ZNF469: variants seen among roughly 807,000 people sequenced by gnomAD.
ZNF469 encodes the protein zinc finger protein 469.
A neutral mutation model predicts 1.0 loss-of-function variants in ZNF469; 1 was observed. That is an observed-to-expected ratio of 1.00 (90% CI 0.35 to 4.73). The LOEUF (loss-of-function observed/expected upper bound fraction) is 4.73. ZNF469 is among the 30% of genes most tolerant of loss of function. The probability of loss-of-function intolerance (pLI) is 0.16; values close to 1 mark genes in which losing one functional copy is unlikely to be tolerated. For synonymous variants in ZNF469, 2,703 were observed against 2,363.4 expected (o/e 1.14, Z -4.17); for missense variants, 6,100 against 5,356.3 (o/e 1.14, Z -4.33).
At chr16:88,414,210 C>T (rs956559778) in intron 1 of ZNF469, among the ~76,000 whole-genome samples, 1 of 152,228 alleles carries the variant, frequency 6.6e-6, no homozygotes, top group African/African-American at 2.4e-5. Context: ...AAAGCCCCCA[C>T]CTGGATTCAG....
chr16:88,249,398 T>G, the ZNF469 span, among the ~76,000 whole-genome samples: 1 of 146,708 alleles, frequency 6.8e-6, no homozygotes, highest in Admixed American at 7.0e-5. Flanking sequence ...GCCATTTTTT[T>G]TTCTTTTTCT....
At chr16:88,299,435 T>C in the ZNF469 span, among the ~76,000 whole-genome samples, 2 of 152,100 alleles carry the variant, frequency 1.3e-5, no homozygotes, top group Non-Finnish European at 2.9e-5. Context: ...CCGGCAGCAC[T>C]GTTCTTTGGA....
the ZNF469 span, among the ~76,000 whole-genome samples, chr16:88,230,944 G>C: frequency 6.6e-6 from 1 of 152,280 alleles, no homozygotes; most frequent in African/African-American, 2.4e-5. Flanking sequence ...CCATGGGCCA[G>C]AGCCTTTGGT....
In ZNF469 at chr16:88,431,917, G is replaced by C. The variant is rs273585620; in HGVS notation, c.4447G>C (p.Ala1483Pro). 6.5e-7 allele frequency: 1 copy of C among 1,549,358 alleles called. No homozygotes were observed. Among genetic ancestry groups the C allele is most frequent in the African/African-American group, 1.4e-5 (1 of 73,012 alleles). The change falls in exon 3 of 3, where the codon GCA becomes CCA. Residue 1483 changes from alanine to proline, a missense_variant. Coordinates refer to ENST00000565624, the MANE Select transcript of ZNF469 (RefSeq NM_001367624.2). ...GAACAGGGACTCCGGTCTGCCGTTC[G>C]CATGTGCCGACCCTCCCCAGAAGAC... ...SANRDSGLPF[A>P]CADPPQKTVP...
the ZNF469 span, among the ~76,000 whole-genome samples, chr16:88,254,085 C>T: frequency 3.9e-5 from 6 of 152,050 alleles, no homozygotes; most frequent in African/African-American, 1.5e-4. Flanking sequence ...AAATACTTGC[C>T]TATCCCAACA....
Position 88,430,569 on chromosome 16 carries a change from G to T in ZNF469, c.3099G>T (p.Arg1033Ser). The T allele has an allele frequency of 6.7e-7, 1 of 1,490,444 alleles. No individual in the cohort carries two copies. The highest frequency in any genetic ancestry group is 1.3e-5 in the South Asian group (1 of 78,676). 92.3% of individuals were successfully genotyped at this position (1,490,444 alleles called of 1,614,324 possible). A position where few individuals can be genotyped will look rare whatever the true frequency, so the allele number is the denominator to read the frequency against. ...RSSRRRRLPP[R>S]KDPRKRKARG... ...CCCGGCGCCGCCGGCTGCCCCCCAG[G>T]AAGGACCCCAGGAAGAGGAAGGCTC... The change falls in exon 3 of 3, where the codon AGG (arginine) becomes AGT (serine). Residue 1033 changes from arginine (R) to serine (S), a missense_variant. By Grantham distance (110) the Arg-to-Ser change is moderately radical. Transcript: ENST00000565624.
At chr16:88,230,884 G>A in the ZNF469 span, among the ~76,000 whole-genome samples, 9 of 151,688 alleles carry the variant, frequency 5.9e-5, no homozygotes, top group African/African-American at 2.2e-4. Flanking sequence ...AGAGGCCCGG[G>A]CTCTCACAGC....
the ZNF469 span, among the ~76,000 whole-genome samples, chr16:88,313,158 C>T: frequency 1.1e-4 from 16 of 152,252 alleles, no homozygotes; most frequent in African/African-American, 3.6e-4. Flanking sequence ...GTGGCTGAGG[C>T]ACATTTCCTA....
chr16:88,271,810 G>C, the ZNF469 span, among the ~76,000 whole-genome samples: 2 of 144,124 alleles, frequency 1.4e-5, no homozygotes, highest in Non-Finnish European at 3.1e-5. Flanking sequence ...GGCTCTCAGG[G>C]GTGGGTGGAT....
chr16:88,324,827 CTG>C, the ZNF469 span, among the ~76,000 whole-genome samples: 3 of 152,138 alleles, frequency 2.0e-5, no homozygotes, highest in Admixed American at 6.5e-5. Context: ...CTGGAGGAAG[CTG>C]TGTTAGTCTG....
chr16:88,345,979 T>C, the ZNF469 span, among the ~76,000 whole-genome samples: 5 of 152,188 alleles, frequency 3.3e-5, no homozygotes, highest in African/African-American at 4.8e-5. Context: ...AATGGCGCCA[T>C]CTGTTCCCAT....
chr16:88,144,173 C>G, the ZNF469 span, among the ~76,000 whole-genome samples: 3,534 of 152,270 alleles, frequency 0.023, 133 homozygotes, highest in African/African-American at 0.08. Flanking sequence ...CAGTGAGCAG[C>G]CGGTGGGACA....
chr16:88,340,910 G>T, the ZNF469 span, among the ~76,000 whole-genome samples: 1 of 152,124 alleles, frequency 6.6e-6, no homozygotes, highest in Non-Finnish European at 1.5e-5. Flanking sequence ...TAGCGTGGAG[G>T]AGGGCCTCGC....
the ZNF469 span, among the ~76,000 whole-genome samples, chr16:88,331,110 GCCA>G: frequency 3.8e-4 from 42 of 110,460 alleles, no homozygotes; most frequent in African/African-American, 1.4e-3. Flanking sequence ...TGTCACCATC[GCCA>G]CCACCATCAC....
At chr16:88,200,936 G>T in the ZNF469 span, among the ~76,000 whole-genome samples, 11 of 152,208 alleles carry the variant, frequency 7.2e-5, no homozygotes, top group African/African-American at 2.4e-4. Flanking sequence ...CTGGCCCTGG[G>T]GACCTCCGGC....
At chr16:88,161,806 GC>G in the ZNF469 span, among the ~76,000 whole-genome samples, 1 of 152,220 alleles carries the variant, frequency 6.6e-6, no homozygotes, top group African/African-American at 2.4e-5. Flanking sequence ...GATGACGTGA[GC>G]TTGCGTGGCT....
chr16:88,182,556 A>T, the ZNF469 span, among the ~76,000 whole-genome samples: 10 of 152,202 alleles, frequency 6.6e-5, no homozygotes, highest in Middle Eastern at 3.4e-3. Flanking sequence ...AGTCAACAAA[A>T]CAAAATAGAG....
Position 88,435,406 on chromosome 16 carries a change from G to A in ZNF469, c.7936G>A (p.Glu2646Lys), listed in dbSNP as rs1413197098. Residue 2646 changes from glutamate to lysine, a missense_variant, in exon 3 of 3, where the codon GAG becomes AAG. Physicochemically the swap from Glu to Lys is moderately conservative, Grantham distance 56. Transcript: ENST00000565624. ...GCTGAGAGGGAGAAGGCTCCGGGAG[G>A]AGAGCATTCTTCCAGTCTCTGCTGA... ...GKLRGRRLRE[E>K]SILPVSADVI... 3 of 1,550,244 alleles carry A rather than the reference G, an allele frequency of 1.9e-6. No homozygotes were observed. Among genetic ancestry groups the A allele is most frequent in the East Asian group, 4.9e-5 (2 of 40,934 alleles).
chr16:88,244,814 T>C, the ZNF469 span, among the ~76,000 whole-genome samples: 89 of 148,072 alleles, frequency 6.0e-4, 2 homozygotes, highest in Middle Eastern at 6.8e-3. Context: ...GTGCATATTA[T>C]ATGCCCAGTG....
Sources: allele counts gnomAD v4.1 joint callset (sites outside exome capture counted in the v4.1 genomes callset), GRCh38; gene constraint gnomAD v4.1.1; transcripts MANE v1.5; gene names NCBI Gene and HGNC (gene_info 2026-07-23, HGNC 2026-07-21).